Variants in SORCS3 observed in about 807,000 individuals in gnomAD.
SORCS3 encodes VPS10 domain-containing receptor SorCS3.
Under a neutral mutation model 146.3 loss-of-function variants are expected in SORCS3, and 57 were observed. That is an observed-to-expected ratio of 0.39 (90% CI 0.31 to 0.49). SORCS3 has a LOEUF of 0.49. SORCS3 is among the 20% of genes least tolerant of loss of function. The probability of loss-of-function intolerance (pLI) is 0.92; values close to 1 mark genes in which losing one functional copy is unlikely to be tolerated. For synonymous variants in SORCS3, 653 were observed against 618.5 expected (o/e 1.06, Z -0.83); for missense variants, 1,341 against 1,575.5 (o/e 0.85, Z 2.52).
intron 1 of SORCS3, among the ~76,000 whole-genome samples, chr10:104,791,711 C>T (rs1221320478): frequency 6.6e-6 from 1 of 152,172 alleles, no homozygotes; most frequent in Non-Finnish European, 1.5e-5. Flanking sequence ...TTCACTTTGG[C>T]TGCAGTGTGG....
Position 104,915,918 on chromosome 10 carries a change from A to G in SORCS3, c.781A>G (p.Thr261Ala), listed in dbSNP as rs773396740. The G allele has an allele frequency of 2.9e-5, 47 of 1,613,858 alleles. No individual in the cohort carries two copies. Among genetic ancestry groups the G allele is most frequent in the Middle Eastern group, 1.6e-4 (1 of 6,082 alleles). Residue 261 changes from threonine (T) to alanine (A), a missense_variant, in exon 3 of 27, where the codon ACC (threonine) becomes GCC (alanine). Thr to Ala is a moderately conservative substitution (Grantham distance 58). Coordinates refer to ENST00000369701, the MANE Select transcript of SORCS3 (RefSeq NM_014978.3). ...CCTCAGTTACCTCTATGTCAATCCA[A>G]CCAACAAAAGGAAGGTAAGAGACTG... ...TVLSYLYVNP[T>A]NKRKIMLLSD...
chr10:104,779,787 G>A (rs902335044), intron 1 of SORCS3, among the ~76,000 whole-genome samples: 2 of 152,154 alleles, frequency 1.3e-5, no homozygotes, highest in Admixed American at 1.3e-4. Context: ...GATGGCAGGT[G>A]AGGGCCTCTT....
At chr10:105,079,077 C>A (rs1200517611) in intron 5 of SORCS3, among the ~76,000 whole-genome samples, 3 of 152,088 alleles carry the variant, frequency 2.0e-5, no homozygotes, top group Non-Finnish European at 2.9e-5. Flanking sequence ...GAATCTTGAC[C>A]ATCATCATCA....
chr10:104,895,282 A>G (rs1315351257), intron 2 of SORCS3, among the ~76,000 whole-genome samples: 1 of 152,018 alleles, frequency 6.6e-6, no homozygotes, highest in Non-Finnish European at 1.5e-5. Context: ...CTTCCTCTCC[A>G]TTTGTGATTA....
intron 22 of SORCS3, among the ~76,000 whole-genome samples, chr10:105,249,115 G>A (rs1015044082): frequency 4.6e-5 from 7 of 152,194 alleles, no homozygotes; most frequent in African/African-American, 1.7e-4. Flanking sequence ...CTAAGGAAAT[G>A]TCGTGTGGGT....
At chr10:105,175,738 A>C (rs1215065510) in intron 13 of SORCS3, among the ~76,000 whole-genome samples, 1 of 152,202 alleles carries the variant, frequency 6.6e-6, no homozygotes, top group Non-Finnish European at 1.5e-5. Context: ...TATTTTTTTA[A>C]AAGGCTGAAA....
At chr10:105,050,263 G>A (rs1354788585) in intron 5 of SORCS3, among the ~76,000 whole-genome samples, 1 of 152,108 alleles carries the variant, frequency 6.6e-6, no homozygotes, top group Admixed American at 6.6e-5. Context: ...CTTGAGTATA[G>A]ACTGGATTAG....
intron 1 of SORCS3, among the ~76,000 whole-genome samples, chr10:104,684,615 G>A (rs1006978725): frequency 4.6e-5 from 7 of 152,032 alleles, no homozygotes; most frequent in Admixed American, 4.6e-4. Context: ...CTGGCCACTC[G>A]TGGGATCTGT....
chr10:105,016,155 A>ATATATATTT (rs71482443), intron 4 of SORCS3, among the ~76,000 whole-genome samples: 29 of 101,308 alleles, frequency 2.9e-4, no homozygotes, highest in African/African-American at 9.7e-4. Flanking sequence ...ATATATATAT[A>ATATATATTT]TTTTTTTTTT....
At chr10:104,959,652 A>C (rs1453385459) in intron 3 of SORCS3, among the ~76,000 whole-genome samples, 1 of 152,154 alleles carries the variant, frequency 6.6e-6, no homozygotes, top group Non-Finnish European at 1.5e-5. Flanking sequence ...GGGTAGAGCA[A>C]GGATCAAGGA....
intron 2 of SORCS3, among the ~76,000 whole-genome samples, chr10:104,905,299 G>A (rs1221941100): frequency 2.6e-5 from 4 of 152,184 alleles, no homozygotes; most frequent in African/African-American, 9.6e-5. Context: ...AAAAAGGAGA[G>A]CTGTAATTCA....
intron 5 of SORCS3, among the ~76,000 whole-genome samples, chr10:105,079,449 T>C (rs550008245): frequency 1.3e-5 from 2 of 152,206 alleles, no homozygotes; most frequent in Admixed American, 6.5e-5. Flanking sequence ...AACAAAGACA[T>C]AAAGGAGGAG....
intron 7 of SORCS3, among the ~76,000 whole-genome samples, chr10:105,106,681 T>C (rs2055824006): frequency 6.6e-6 from 1 of 152,174 alleles, no homozygotes; most frequent in Admixed American, 6.5e-5. Context: ...TTTTGAGGTC[T>C]AGTAAAATAC....
chr10:104,966,376 C>T (rs2054826343), intron 3 of SORCS3, among the ~76,000 whole-genome samples: 1 of 152,126 alleles, frequency 6.6e-6, no homozygotes. Flanking sequence ...GATAGCTATG[C>T]TGTCATTGTT....
intron 2 of SORCS3, among the ~76,000 whole-genome samples, chr10:104,901,501 C>T (rs1408930089): frequency 6.6e-6 from 1 of 152,146 alleles, no homozygotes; most frequent in Non-Finnish European, 1.5e-5. Context: ...AGGGAGTGTG[C>T]ACTGGAGACT....
intron 3 of SORCS3, among the ~76,000 whole-genome samples, chr10:104,965,767 G>C (rs962204092): frequency 2.0e-5 from 3 of 152,128 alleles, no homozygotes; most frequent in South Asian, 2.1e-4. Context: ...TTTTTAAATA[G>C]GATTGTTTTC....
At chr10:105,190,216 A>G (rs2056507444) in intron 14 of SORCS3, among the ~76,000 whole-genome samples, 1 of 152,206 alleles carries the variant, frequency 6.6e-6, no homozygotes, top group Non-Finnish European at 1.5e-5. Context: ...GTTGCTGCAA[A>G]TGCCTAAATT....
intron 4 of SORCS3, among the ~76,000 whole-genome samples, chr10:104,987,102 G>C (rs151235266): frequency 6.6e-6 from 1 of 151,548 alleles, no homozygotes; most frequent in Non-Finnish European, 1.5e-5. Flanking sequence ...ATACAACTGC[G>C]TACATAATAT....
At chr10:105,106,893 C>T (rs901580769) in intron 7 of SORCS3, among the ~76,000 whole-genome samples, 2 of 152,152 alleles carry the variant, frequency 1.3e-5, no homozygotes, top group African/African-American at 4.8e-5. Context: ...TTGCAAAATA[C>T]ATAGCACCAG....
Sources: gnomAD v4.1 joint callset for allele counts (sites outside exome capture counted in the v4.1 genomes callset) on GRCh38, gnomAD v4.1.1 for gene constraint, MANE v1.5 for transcripts, NCBI Gene and HGNC (gene_info 2026-07-23, HGNC 2026-07-21) for gene names.